The following KLHL7 variants were observed in gnomAD, a reference collection of about 807,000 sequenced individuals.
KLHL7 encodes the protein kelch-like protein 7.
Under a neutral mutation model 67.4 loss-of-function variants are expected in KLHL7, and 44 were observed. The ratio of observed to expected loss-of-function variants is 0.65; its 90% CI spans 0.51 to 0.84. KLHL7 has a LOEUF of 0.84. Ranked by LOEUF, KLHL7 falls within the 40% of genes least tolerant of loss-of-function variation. KLHL7 has a pLI of 0.00. For missense variants in KLHL7, 362 were observed against 718.1 expected (o/e 0.50, Z 5.67); for synonymous variants, 252 against 243.3 (o/e 1.04, Z -0.33).
chr7:23,150,909 A>G lies in KLHL7; in HGVS notation c.794-1158A>G, dbSNP rs992560726. ...AGTTATAGTTCTTTTTCTGTGAACTATATTCAGATACTTCACCAATTTTTG... is the reference window on the plus strand; with the variant it reads ...AGTTATAGTTCTTTTTCTGTGAACTGTATTCAGATACTTCACCAATTTTTG... On this transcript the variant is annotated intron_variant, in intron 6 of 10. Coordinates refer to ENST00000339077, the MANE Select transcript of KLHL7 (RefSeq NM_001031710.3). 2.6e-5 allele frequency among the ~76,000 whole-genome samples: 4 copies of G among 152,202 alleles called. No individual in the cohort carries two copies. The East Asian group carries it at 7.7e-4, about 29-fold the overall frequency.
chr7:23,133,839 T>C (rs1431152809), intron 4 of KLHL7, among the ~76,000 whole-genome samples: 2 of 152,244 alleles, frequency 1.3e-5, no homozygotes, highest in African/African-American at 4.8e-5. Flanking sequence ...TCCATTCTAA[T>C]AGTTTTCTTG....
chr7:23,166,543 G>A (rs1211256169), intron 8 of KLHL7, among the ~76,000 whole-genome samples: 1 of 152,050 alleles, frequency 6.6e-6, no homozygotes, highest in Non-Finnish European at 1.5e-5. Context: ...GCTTTTGTAT[G>A]CTTTCATTTT....
Position 23,175,460 on chromosome 7 carries a change from G to A in KLHL7, c.*1162G>A, listed in dbSNP as rs777372742. The A allele has an allele frequency of 3.5e-5, 14 of 398,984 alleles. No individual in the cohort carries two copies. Among genetic ancestry groups the A allele is most frequent in the South Asian group, 2.7e-4 (14 of 52,826 alleles). The allele number at this position is 398,984 out of a possible 1,614,324, so 24.7% of individuals were successfully genotyped here. A position where few individuals can be genotyped will look rare whatever the true frequency, so the allele number is the denominator to read the frequency against. Reference sequence around the variant, plus strand: ...TTGTTCTTCAAGTATTTTAGGTAATGGTTGTTTTTAGAATTTGTGAACCAG... The same window carrying A: ...TTGTTCTTCAAGTATTTTAGGTAATAGTTGTTTTTAGAATTTGTGAACCAG... On this transcript the variant is annotated 3_prime_UTR_variant, in exon 11 of 11. Coordinates refer to ENST00000339077, the MANE Select transcript of KLHL7 (RefSeq NM_001031710.3).
intron 4 of KLHL7, among the ~76,000 whole-genome samples, chr7:23,131,733 CTTTTTT>C (rs59719158): frequency 8.0e-6 from 1 of 125,258 alleles, no homozygotes; most frequent in Non-Finnish European, 1.7e-5. Context: ...CTTATTTATT[CTTTTTT>C]TTTTTTTTTT....
intron 1 of KLHL7, among the ~76,000 whole-genome samples, chr7:23,121,099 G>T (rs1029980628): frequency 1.3e-5 from 2 of 152,062 alleles, no homozygotes; most frequent in Admixed American, 6.6e-5. Context: ...TTAACTTTCT[G>T]TTCCTAGCTT....
Position 23,175,269 on chromosome 7 carries a change from G to T in KLHL7, c.*971G>T, listed in dbSNP as rs78612254. 8.2e-3 allele frequency: 3,704 copies of T among 453,810 alleles called. 133 individuals carry two copies. In the East Asian group the frequency reaches 0.13, roughly 16 times the overall value. The allele number at this position is 453,810 out of a possible 1,614,324, so 28.1% of individuals were successfully genotyped here. On this transcript the variant is annotated 3_prime_UTR_variant, in exon 11 of 11. Transcript: ENST00000339077. ...AGATATATGTCATCTCCTATTCATT[G>T]CTTTTATGTGATCAATAAATCTTTT...
At chr7:23,123,566 G>A (rs1218489035) in intron 1 of KLHL7, among the ~76,000 whole-genome samples, 2 of 151,418 alleles carry the variant, frequency 1.3e-5, no homozygotes, top group South Asian at 2.1e-4. Context: ...CCTCTTGACT[G>A]TTGGAAAACT....
At chr7:23,156,112 TA>T (rs1784698603) in intron 7 of KLHL7, 17 of 362,726 alleles carry the variant, frequency 4.7e-5, no homozygotes, top group South Asian at 3.6e-4. Flanking sequence ...TTTGAAAATT[TA>T]TGGGAAAATT....
intron 9 of KLHL7, 128 bp downstream of exon 9, chr7:23,168,165 G>C: frequency 2.4e-6 from 2 of 849,070 alleles, no homozygotes; most frequent in South Asian, 2.9e-5. Context: ...ATAAACTTTT[G>C]AGTGTGCTAG....
Position 23,105,875 on chromosome 7 carries a change from G to T in KLHL7, c.-152G>T, listed in dbSNP as rs1452986312. 4 of 1,213,316 alleles carry T rather than the reference G, an allele frequency of 3.3e-6. No individual in the cohort carries two copies. The highest frequency in any genetic ancestry group is 4.7e-6 in the Non-Finnish European group (4 of 858,360). The allele number at this position is 1,213,316 out of a possible 1,614,324, so 75.2% of individuals were successfully genotyped here. A position where few individuals can be genotyped will look rare whatever the true frequency, so the allele number is the denominator to read the frequency against. On this transcript the variant is annotated 5_prime_UTR_variant, in exon 1 of 11. Transcript: ENST00000339077. ...CCGGCCTTGTCTTTCGGCAGTGGCC[G>T]AGCCACCGCCGCCTGCCGCGCGTTC...
intron 1 of KLHL7, among the ~76,000 whole-genome samples, chr7:23,119,778 A>AT (rs199822526): frequency 0.012 from 1,733 of 149,026 alleles, 41 homozygotes; most frequent in African/African-American, 0.041. Flanking sequence ...ATGACTTGGG[A>AT]TTTTTTTTTC....
intron 7 of KLHL7, among the ~76,000 whole-genome samples, chr7:23,152,594 CAT>C (rs1784571589): frequency 6.6e-6 from 1 of 151,942 alleles, no homozygotes; most frequent in African/African-American, 2.4e-5. Flanking sequence ...TGAAATAACA[CAT>C]AGTCATTCTA....
chr7:23,167,247 T>C (rs1785028799), intron 8 of KLHL7, among the ~76,000 whole-genome samples: 2 of 152,236 alleles, frequency 1.3e-5, no homozygotes, highest in South Asian at 4.1e-4. Context: ...TGCCTTTAAA[T>C]TGTGTAATCA....
intron 4 of KLHL7, among the ~76,000 whole-genome samples, chr7:23,133,201 G>T (rs1457116278): frequency 2.6e-5 from 4 of 152,042 alleles, no homozygotes; most frequent in Non-Finnish European, 5.9e-5. Flanking sequence ...TTTTGATAGG[G>T]ATTACATTGA....
In KLHL7 at chr7:23,165,895, T is replaced by C. The variant is rs1784991718; in HGVS notation, c.1134T>C (p.Cys378=). The C allele has an allele frequency of 8.7e-6, 14 of 1,614,058 alleles. No individual in the cohort carries two copies. The highest frequency in any genetic ancestry group is 1.1e-5 in the Non-Finnish European group (13 of 1,179,996). The change falls in exon 8 of 11, where the codon TGT becomes TGC. Residue 378 remains cysteine, a synonymous_variant. Transcript: ENST00000339077. ...CACCTCGAGACAGCCTTGCTGCATGTGCTGCAGAAGGCAAAATTTATACAT... is the reference window on the plus strand; with the variant it reads ...CACCTCGAGACAGCCTTGCTGCATGCGCTGCAGAAGGCAAAATTTATACAT... The part of the protein sequence containing the change: ...PPTPRDSLAA[C]AAEGKIYTSG...
chr7:23,173,353 A>G (rs1177697483), intron 10 of KLHL7, among the ~76,000 whole-genome samples: 1 of 152,240 alleles, frequency 6.6e-6, no homozygotes, highest in Non-Finnish European at 1.5e-5. Flanking sequence ...GAAATATTTG[A>G]ACTTTAAAAA....
chr7:23,140,389 C>T (rs904666940), intron 4 of KLHL7, among the ~76,000 whole-genome samples: 1 of 152,096 alleles, frequency 6.6e-6, no homozygotes, highest in African/African-American at 2.4e-5. Flanking sequence ...CCCGTCTCTA[C>T]TAAAAAATAC....
chr7:23,169,485 A>C (rs1290168549), intron 9 of KLHL7, among the ~76,000 whole-genome samples: 1 of 152,156 alleles, frequency 6.6e-6, no homozygotes, highest in Non-Finnish European at 1.5e-5. Context: ...TACTTCCCAT[A>C]AACCCTAGGC....
intron 1 of KLHL7, among the ~76,000 whole-genome samples, chr7:23,113,192 G>A (rs140233220): frequency 2.6e-5 from 4 of 152,284 alleles, no homozygotes; most frequent in South Asian, 2.1e-4. Flanking sequence ...GGCAAAGCTG[G>A]AGGTTGAGGA....
Sources: allele counts gnomAD v4.1 joint callset (sites outside exome capture counted in the v4.1 genomes callset), GRCh38; gene constraint gnomAD v4.1.1; transcripts MANE v1.5; gene names NCBI Gene and HGNC (gene_info 2026-07-23, HGNC 2026-07-21).